NEMP2: variants seen among roughly 807,000 people sequenced by gnomAD.
The protein encoded by NEMP2 is nuclear envelope integral membrane protein 2.
In NEMP2, 53 loss-of-function variants were observed where a neutral mutation model predicts 54.2. The ratio of observed to expected loss-of-function variants is 0.98; its 90% CI spans 0.78 to 1.23. The LOEUF (loss-of-function observed/expected upper bound fraction) is 1.23. Among genes scored for constraint, NEMP2 ranks in the 50% most tolerant of loss-of-function variants. NEMP2 has a pLI of 0.00. For synonymous variants in NEMP2, 197 were observed against 190.3 expected, an observed-to-expected ratio of 1.04 and a Z score of -0.29; for missense variants, 455 against 511.3, an observed-to-expected ratio of 0.89 and a Z score of 1.06.
the NEMP2 span, among the ~76,000 whole-genome samples, chr2:190,597,738 G>A: frequency 6.6e-6 from 1 of 151,086 alleles, no homozygotes; most frequent in Non-Finnish European, 1.5e-5. This position sits in a 1 kb window ranked among gnomAD's most constrained non-coding sequence, Gnocchi z 4.7. Context: ...TATTTATCAC[G>A]ATGCTTTCTT....
chr2:190,571,700 T>G, the NEMP2 span, among the ~76,000 whole-genome samples: 1 of 152,158 alleles, frequency 6.6e-6, no homozygotes, highest in African/African-American at 2.4e-5. Context: ...ACCACAGGGT[T>G]TTACTTGAGC....
Position 190,531,186 on chromosome 2 carries a change from G to A in NEMP2, c.97+3373C>T, listed in dbSNP as rs1224691037. ...TCAAAAGGGAACAATACCTGCCTAG[G>A]GAAAGCTACTGCTTCTACTTGAGGC... is the stretch of plus-strand genomic sequence containing the variant. On this transcript the variant is annotated intron_variant, in intron 1 of 8. Coordinates refer to ENST00000409150, the MANE Select transcript of NEMP2 (RefSeq NM_001142645.2). This position sits in a 1 kb window ranked among gnomAD's most constrained non-coding sequence, Gnocchi z 4.7. Among the ~76,000 whole-genome samples, 1 of 152,156 alleles carries A rather than the reference G, an allele frequency of 6.6e-6. No individual in the cohort carries two copies. Among genetic ancestry groups the A allele is most frequent in the Non-Finnish European group, 1.5e-5 (1 of 68,020 alleles).
the NEMP2 span, among the ~76,000 whole-genome samples, chr2:190,645,514 T>C: frequency 6.6e-6 from 1 of 152,226 alleles, no homozygotes; most frequent in African/African-American, 2.4e-5. Context: ...TTTAGACACT[T>C]CTATTAGGAA....
At chr2:190,546,071 A>G in the NEMP2 span, among the ~76,000 whole-genome samples, 1,544 of 152,340 alleles carry the variant, frequency 0.01, 17 homozygotes, top group South Asian at 0.071. The surrounding 1 kb of genome is among the most constrained non-coding windows in gnomAD (Gnocchi z 5.1). Context: ...CACTGTTTCT[A>G]TAACAAAATC....
At chr2:190,572,873 A>ATATATATATATATG in the NEMP2 span, among the ~76,000 whole-genome samples, 265 of 110,150 alleles carry the variant, frequency 2.4e-3, 2 homozygotes, top group Middle Eastern at 5.3e-3. Flanking sequence ...ATATATATAT[A>ATATATATATATATG]TATGTATATA....
chr2:190,480,994 G>C, the NEMP2 span, among the ~76,000 whole-genome samples: 2 of 152,222 alleles, frequency 1.3e-5, no homozygotes, highest in South Asian at 4.1e-4. Flanking sequence ...GAAGCCTAAT[G>C]ACCAAAGCGT....
chr2:190,566,151 A>G, the NEMP2 span, among the ~76,000 whole-genome samples: 6 of 152,218 alleles, frequency 3.9e-5, no homozygotes, highest in Non-Finnish European at 5.9e-5. Context: ...CAGTGTATCT[A>G]ATGGATATAT....
chr2:190,640,619 T>C, the NEMP2 span, among the ~76,000 whole-genome samples: 2 of 152,174 alleles, frequency 1.3e-5, no homozygotes, highest in Non-Finnish European at 2.9e-5. Flanking sequence ...TTTGCAGTTA[T>C]ATGCAAACGG....
the NEMP2 span, among the ~76,000 whole-genome samples, chr2:190,561,303 G>A: frequency 6.6e-6 from 1 of 152,194 alleles, no homozygotes; most frequent in Non-Finnish European, 1.5e-5. The surrounding 1 kb of genome is among the most constrained non-coding windows in gnomAD (Gnocchi z 5.4). Context: ...AACACCTGGG[G>A]ACAATGTGTA....
At chr2:190,456,529 G>T in the NEMP2 span, among the ~76,000 whole-genome samples, 1 of 152,206 alleles carries the variant, frequency 6.6e-6, no homozygotes, top group Non-Finnish European at 1.5e-5. This position sits in a 1 kb window ranked among gnomAD's most constrained non-coding sequence, Gnocchi z 5.4. Flanking sequence ...CTCCCTGGCT[G>T]CTCTAGGAAC....
At chr2:190,432,257 C>G in the NEMP2 span, among the ~76,000 whole-genome samples, 1 of 152,196 alleles carries the variant, frequency 6.6e-6, no homozygotes, top group Non-Finnish European at 1.5e-5. Context: ...GGATGGAAGT[C>G]TTGCCAGCCT....
At chr2:190,636,686 G>C in the NEMP2 span, among the ~76,000 whole-genome samples, 30 of 152,250 alleles carry the variant, frequency 2.0e-4, no homozygotes, top group Non-Finnish European at 4.1e-4. Context: ...CTCAAATTCA[G>C]CTACTAAAGT....
At chr2:190,437,550 C>G in the NEMP2 span, 6 of 1,612,788 alleles carry the variant, frequency 3.7e-6, no homozygotes, top group African/African-American at 5.3e-5. The surrounding 1 kb of genome is among the most constrained non-coding windows in gnomAD (Gnocchi z 5.9). Flanking sequence ...TTGAATTGAT[C>G]GGCCACATCA....
the NEMP2 span, chr2:190,488,555 A>C: frequency 1.8e-6 from 2 of 1,114,850 alleles, no homozygotes; most frequent in Admixed American, 6.0e-5. This position sits in a 1 kb window ranked among gnomAD's most constrained non-coding sequence, Gnocchi z 6.4. Context: ...TTCCCACAAC[A>C]AATCTTAAAA....
At chr2:190,631,367 G>A in the NEMP2 span, among the ~76,000 whole-genome samples, 1 of 152,154 alleles carries the variant, frequency 6.6e-6, no homozygotes, top group African/African-American at 2.4e-5. Flanking sequence ...TCTCAGTGTT[G>A]ACAGTACAGC....
chr2:190,627,567 T>C, the NEMP2 span, among the ~76,000 whole-genome samples: 4 of 150,692 alleles, frequency 2.7e-5, no homozygotes. The surrounding 1 kb of genome is among the most constrained non-coding windows in gnomAD (Gnocchi z 4.4). Context: ...ACTTACTTCA[T>C]TGTTTTTCCT....
chr2:190,619,367 G>A, the NEMP2 span, among the ~76,000 whole-genome samples: 1 of 151,968 alleles, frequency 6.6e-6, no homozygotes, highest in Non-Finnish European at 1.5e-5. This position sits in a 1 kb window ranked among gnomAD's most constrained non-coding sequence, Gnocchi z 5.5. Flanking sequence ...AGATGTGGTG[G>A]TGTGAGCCTA....
chr2:190,471,871 G>A, the NEMP2 span, among the ~76,000 whole-genome samples: 5 of 152,166 alleles, frequency 3.3e-5, no homozygotes, highest in East Asian at 1.9e-4. The surrounding 1 kb of genome is among the most constrained non-coding windows in gnomAD (Gnocchi z 4.7). Context: ...TCATACGGCC[G>A]GGTACCCCTC....
the NEMP2 span, among the ~76,000 whole-genome samples, chr2:190,422,396 T>A: frequency 0.46 from 69,450 of 151,868 alleles, 16,305 homozygotes; most frequent in Admixed American, 0.61. Flanking sequence ...CCTGTATCCC[T>A]TGTCTGTCTT....
Sources: gnomAD v4.1 joint callset for allele counts (sites outside exome capture counted in the v4.1 genomes callset) on GRCh38, gnomAD v4.1.1 for gene constraint, Gnocchi (gnomAD v3.1) non-coding constraint, MANE v1.5 for transcripts, NCBI Gene and HGNC (gene_info 2026-07-23, HGNC 2026-07-21) for gene names.